The following ADARB2 variants were observed in gnomAD, a reference collection of about 807,000 sequenced individuals.
ADARB2 encodes the protein inactive double-stranded RNA-specific editase B2.
In ADARB2, 25 loss-of-function variants were observed where a neutral mutation model predicts 62.2. The observed-to-expected ratio is 0.40, with a 90% CI of 0.29 to 0.56. The LOEUF (loss-of-function observed/expected upper bound fraction) is 0.56. ADARB2 is among the 20% of genes least tolerant of loss of function. The probability of loss-of-function intolerance (pLI) is 0.43; values close to 1 mark genes in which losing one functional copy is unlikely to be tolerated. For synonymous variants in ADARB2, 572 were observed against 500.8 expected (o/e 1.14, Z -1.90); for missense variants, 1,071 against 1,077.4 (o/e 0.99, Z 0.08).
chr10:1,232,217 A>G (rs978726513), intron 6 of ADARB2, among the ~76,000 whole-genome samples: 4 of 151,852 alleles, frequency 2.6e-5, no homozygotes, highest in African/African-American at 9.7e-5. Flanking sequence ...CACATACACC[A>G]CTGCATTGCC....
At chr10:1,451,168 C>T (rs889357725) in intron 1 of ADARB2, among the ~76,000 whole-genome samples, 1 of 128,534 alleles carries the variant, frequency 7.8e-6, no homozygotes. Flanking sequence ...GGAAATAGTT[C>T]ATCAAAAAAC....
At chr10:1,375,776 G>A (rs1431134233) in intron 2 of ADARB2, among the ~76,000 whole-genome samples, 2 of 150,974 alleles carry the variant, frequency 1.3e-5, no homozygotes, top group Non-Finnish European at 2.9e-5. Flanking sequence ...ACGCACACAT[G>A]TGCACACACA....
intron 1 of ADARB2, among the ~76,000 whole-genome samples, chr10:1,573,899 C>T (rs1588307892): frequency 6.6e-6 from 1 of 152,146 alleles, no homozygotes; most frequent in Non-Finnish European, 1.5e-5. Context: ...GTAAGATGGC[C>T]GCTGGGCAGG....
intron 1 of ADARB2, among the ~76,000 whole-genome samples, chr10:1,662,184 T>C (rs1834257143): frequency 6.6e-6 from 1 of 152,166 alleles, no homozygotes; most frequent in Admixed American, 6.5e-5. Flanking sequence ...CCCAATCCAA[T>C]AACCCTTCAA....
rs1041397468 is a variant in ADARB2, at chr10:1,724,321, C to T, written c.100+12730G>A. On this transcript the variant is annotated intron_variant, in intron 1 of 9. Coordinates refer to ENST00000381312, the MANE Select transcript of ADARB2 (RefSeq NM_018702.4). ...ATTCTTGCCTGGCTAATTATTCTAACTGTAAAGAGCTGTTATCTGTGTCCT... is the reference window on the plus strand; with the variant it reads ...ATTCTTGCCTGGCTAATTATTCTAATTGTAAAGAGCTGTTATCTGTGTCCT... Among the ~76,000 whole-genome samples, 49 of 152,212 alleles carry T rather than the reference C, an allele frequency of 3.2e-4. 2 individuals carry two copies.
At chr10:1,587,792 T>C (rs1441015818) in intron 1 of ADARB2, among the ~76,000 whole-genome samples, 5 of 152,152 alleles carry the variant, frequency 3.3e-5, no homozygotes, top group African/African-American at 1.2e-4. Flanking sequence ...AATTGAATCA[T>C]GGGGGCGGTT....
At chr10:1,666,038 C>T (rs745557644) in intron 1 of ADARB2, among the ~76,000 whole-genome samples, 11 of 117,376 alleles carry the variant, frequency 9.4e-5, no homozygotes, top group Non-Finnish European at 1.1e-4. Flanking sequence ...GTGGAAGGAC[C>T]GGGCATGGAG....
At chr10:1,497,344 A>C (rs1023217355) in intron 1 of ADARB2, among the ~76,000 whole-genome samples, 1 of 152,224 alleles carries the variant, frequency 6.6e-6, no homozygotes, top group Non-Finnish European at 1.5e-5. Context: ...TACTGCCTTC[A>C]TCATATGAAA....
At chr10:1,642,898 C>T (rs1021505817) in intron 1 of ADARB2, among the ~76,000 whole-genome samples, 1 of 152,212 alleles carries the variant, frequency 6.6e-6, no homozygotes, top group African/African-American at 2.4e-5. Context: ...GGCAGACGGC[C>T]TGCACACTGA....
At chr10:1,661,506 A>G (rs1384984788) in intron 1 of ADARB2, among the ~76,000 whole-genome samples, 1 of 152,158 alleles carries the variant, frequency 6.6e-6, no homozygotes, top group Non-Finnish European at 1.5e-5. Flanking sequence ...ATGCCTTGGA[A>G]GTTGTCTGTC....
At chr10:1,183,846 G>T (rs1836714027) in intron 9 of ADARB2, among the ~76,000 whole-genome samples, 1 of 152,338 alleles carries the variant, frequency 6.6e-6, no homozygotes, top group South Asian at 2.1e-4. Context: ...CCCACCACGG[G>T]GCAGGGAGGC....
chr10:1,608,728 T>C (rs1474992558), intron 1 of ADARB2, among the ~76,000 whole-genome samples: 1 of 108,144 alleles, frequency 9.2e-6, no homozygotes, highest in Non-Finnish European at 1.8e-5. Context: ...AAGAAAAAAG[T>C]AAGAAAGAAA....
intron 1 of ADARB2, among the ~76,000 whole-genome samples, chr10:1,627,625 C>A (rs1041493076): frequency 1.3e-5 from 2 of 152,176 alleles, no homozygotes; most frequent in Non-Finnish European, 2.9e-5. Context: ...GAATTAACTT[C>A]TACTGGTTTG....
chr10:1,521,570 A>C (rs910614089), intron 1 of ADARB2, among the ~76,000 whole-genome samples: 4 of 152,206 alleles, frequency 2.6e-5, no homozygotes, highest in Non-Finnish European at 5.9e-5. Flanking sequence ...ACAGACCTTA[A>C]GTCTGATAAG....
In ADARB2 at chr10:1,363,691, C is replaced by T. The variant is rs772527703; in HGVS notation, c.414G>A (p.Pro138=). The change falls in exon 3 of 10, where the codon CCG becomes CCA. Residue 138 remains proline (P), a synonymous_variant. Coordinates refer to ENST00000381312, the MANE Select transcript of ADARB2 (RefSeq NM_018702.4). ...NALVQLHELR[P]GLQYRTVSQT... The stretch of plus-strand genomic sequence containing the variant: ...GCGACACTGTCCGGTACTGCAGGCC[C>T]GGCCTCAGCTCGTGCAGCTGCACCA... 2.5e-6 allele frequency: 4 copies of T among 1,611,444 alleles called. No homozygotes were observed. The African/African-American group carries it at 5.4e-5, about 22-fold the overall frequency.
intron 1 of ADARB2, among the ~76,000 whole-genome samples, chr10:1,559,422 G>C (rs1308495240): frequency 6.6e-6 from 1 of 152,190 alleles, no homozygotes; most frequent in Admixed American, 6.5e-5. Flanking sequence ...CCCTGGGGAG[G>C]GTCCTCCAGA....
intron 5 of ADARB2, among the ~76,000 whole-genome samples, chr10:1,239,988 GCC>G (rs1830893607): frequency 2.6e-4 from 1 of 3,878 alleles, no homozygotes; most frequent in African/African-American, 2.2e-3. Context: ...ACTCCCCTCT[GCC>G]TCCCGGTGTT....
chr10:1,662,333 C>T (rs1436801135), intron 1 of ADARB2, among the ~76,000 whole-genome samples: 1 of 152,182 alleles, frequency 6.6e-6, no homozygotes, highest in Non-Finnish European at 1.5e-5. Context: ...GGCCTCCATC[C>T]TCGGCCTCAG....
At chr10:1,458,647 T>G (rs1831128196) in intron 1 of ADARB2, among the ~76,000 whole-genome samples, 1 of 152,134 alleles carries the variant, frequency 6.6e-6, no homozygotes, top group African/African-American at 2.4e-5. Context: ...CCTCTTTGCT[T>G]TTACATTTTT....
Sources: allele counts gnomAD v4.1 joint callset (sites outside exome capture counted in the v4.1 genomes callset), GRCh38; gene constraint gnomAD v4.1.1; transcripts MANE v1.5; gene names NCBI Gene and HGNC (gene_info 2026-07-23, HGNC 2026-07-21).